IQSEC3: variants seen among roughly 807,000 people sequenced by gnomAD.
The protein encoded by IQSEC3 is IQ motif and Sec7 domain ArfGEF 3.
A neutral mutation model predicts 105.4 loss-of-function variants in IQSEC3; 50 were observed. That is an observed-to-expected ratio of 0.47 (90% CI 0.38 to 0.60). IQSEC3 has a LOEUF of 0.60. Ranked by LOEUF, IQSEC3 falls within the 20% of genes least tolerant of loss-of-function variation. The pLI is 0.00. For missense variants in IQSEC3, 1,415 were observed against 1,630.0 expected (o/e 0.87, Z 2.27); for synonymous variants, 708 against 746.0 (o/e 0.95, Z 0.83).
rs576629871 is a variant in IQSEC3 at position 89,813 on chromosome 12, T to G, written c.555-9333T>G. On this transcript the variant is annotated intron_variant, in intron 1 of 13. Transcript: ENST00000538872. ...TATTGCTGAATAGTATTACATTGAA[T>G]GGACATACCACAATTTATCCATTTG... 2.0e-5 allele frequency among the ~76,000 whole-genome samples: 3 copies of G among 152,362 alleles called. No individual in the cohort carries two copies. In the South Asian group the frequency reaches 6.2e-4, roughly 32 times the overall value.
rs1433303091 is a variant in IQSEC3, at chr12:152,392, A to G, written c.2154-4633A>G. 6.6e-6 allele frequency among the ~76,000 whole-genome samples: 1 copy of G among 152,176 alleles called. No homozygotes were observed. The highest frequency in any genetic ancestry group is 1.5e-5 in the Non-Finnish European group (1 of 68,036). On this transcript the variant is annotated intron_variant, in intron 5 of 13. Transcript: ENST00000538872. The surrounding 1 kb of genome is among the most constrained non-coding windows in gnomAD (Gnocchi z 4.8). Reference sequence around the variant, plus strand: ...CTGGGTAAGATCACAGCCCCTAGGAAGACATGCATTAGTGCCAGCCACTGA... The same window carrying G: ...CTGGGTAAGATCACAGCCCCTAGGAGGACATGCATTAGTGCCAGCCACTGA...
chr12:126,789 G>C lies in IQSEC3; in HGVS notation c.903+877G>C, dbSNP rs915126987. ...GGTCCCTTCTGCCCCAAAATGTGTA[G>C]GTTCTAGAGAACAATTCTTCAACCC... On this transcript the variant is annotated intron_variant, in intron 3 of 13. Coordinates refer to ENST00000538872, the MANE Select transcript of IQSEC3 (RefSeq NM_001170738.2). 3.3e-5 allele frequency among the ~76,000 whole-genome samples: 5 copies of C among 152,266 alleles called. No individual in the cohort carries two copies. In the East Asian group the frequency reaches 9.7e-4, roughly 29 times the overall value.
chr12:157,524 A>C lies in IQSEC3; in HGVS notation c.2277-4A>C, dbSNP rs1555094769. On this transcript the variant is annotated splice_polypyrimidine_tract_variant and splice_region_variant and intron_variant, in intron 6 of 13. Transcript: ENST00000538872. ...CGTCCGCTCTGCATCTGACCCCCCCACAGCCAGCGCTACTGCATGTGCAAC... is the reference window on the plus strand; with the variant it reads ...CGTCCGCTCTGCATCTGACCCCCCCCCAGCCAGCGCTACTGCATGTGCAAC... 2.5e-6 allele frequency: 4 copies of C among 1,609,542 alleles called. No individual in the cohort carries two copies. Among genetic ancestry groups the C allele is most frequent in the Non-Finnish European group, 3.4e-6 (4 of 1,177,442 alleles).
chr12:157,376 GA>G, intron 6 of IQSEC3, 151 bp from the exon 7 acceptor site: 3 of 1,122,764 alleles, frequency 2.7e-6, no homozygotes, highest in Admixed American at 3.0e-5. Context: ...GGGGTGTGGG[GA>G]AAAAGACCAG....
At chr12:141,339 C>T (rs901042042) in intron 5 of IQSEC3, 54 bp downstream of exon 5, 153 of 1,567,010 alleles carry the variant, frequency 9.8e-5, no homozygotes, top group Non-Finnish European at 1.2e-4. Context: ...CCCACCTGCC[C>T]GGGCTCTCTC....
chr12:140,743 G>A (rs541987423), intron 4 of IQSEC3: 133 of 195,254 alleles, frequency 6.8e-4, no homozygotes, highest in African/African-American at 2.7e-3. Context: ...GTGGTGTGGC[G>A]GAGGTCTCAC....
chr12:75,366 C>A (rs1441587715), intron 1 of IQSEC3, among the ~76,000 whole-genome samples: 1 of 152,104 alleles, frequency 6.6e-6, no homozygotes, highest in Non-Finnish European at 1.5e-5. Flanking sequence ...CCTTGTTTGG[C>A]TCTGGTAAGG....
At chr12:107,473 A>G (rs181202838) in intron 2 of IQSEC3, among the ~76,000 whole-genome samples, 231 of 132,266 alleles carry the variant, frequency 1.7e-3, no homozygotes, top group Middle Eastern at 0.015. Context: ...GCAGTGGCAC[A>G]ATCTCGGCTC....
At chr12:154,922 G>C (rs1396101047) in intron 5 of IQSEC3, among the ~76,000 whole-genome samples, 1 of 150,388 alleles carries the variant, frequency 6.6e-6, no homozygotes, top group Non-Finnish European at 1.5e-5. Context: ...TCGCTGCCCC[G>C]CCCCATCTCT....
intron 3 of IQSEC3, among the ~76,000 whole-genome samples, chr12:130,315 A>C (rs981661140): frequency 6.6e-6 from 1 of 152,208 alleles, no homozygotes; most frequent in Non-Finnish European, 1.5e-5. Flanking sequence ...GGTCTGCACA[A>C]CGTCCCCGTG....
Position 66,871 on chromosome 12 carries a change from G to A in IQSEC3, c.-12G>A. The A allele has an allele frequency of 7.1e-7, 1 of 1,412,898 alleles. No homozygotes were observed. The highest frequency in any genetic ancestry group is 9.2e-7 in the Non-Finnish European group (1 of 1,082,638). The allele number at this position is 1,412,898 out of a possible 1,614,324, so 87.5% of individuals were successfully genotyped here. On this transcript the variant is annotated 5_prime_UTR_variant, in exon 1 of 14. Transcript: ENST00000538872. ...CCCAGGCGCAGGCAGGGCGCAGGCGGCGGCGGGCGGCATGGAGAGCCTGCT... is the reference window on the plus strand; with the variant it reads ...CCCAGGCGCAGGCAGGGCGCAGGCGACGGCGGGCGGCATGGAGAGCCTGCT...
At chr12:163,669 G>C in intron 9 of IQSEC3, 50 bp downstream of exon 9, 1 of 1,043,432 alleles carries the variant, frequency 9.6e-7, no homozygotes, top group Non-Finnish European at 1.5e-6. Context: ...TGCCTCTGCC[G>C]CCCTGGTCAG....
chr12:109,681 C>T (rs1051286162), intron 2 of IQSEC3, among the ~76,000 whole-genome samples: 2 of 152,162 alleles, frequency 1.3e-5, no homozygotes, highest in African/African-American at 4.8e-5. Flanking sequence ...TTCCCAGCAC[C>T]TCCTTGTTGC....
rs377174575 is a variant in IQSEC3 at position 135,516 on chromosome 12, C to A, written c.904-2751C>A. On this transcript the variant is annotated intron_variant, in intron 3 of 13. Transcript: ENST00000538872. ...CAAGTCCCCTTCATGCTAGTGTACACATCCTATATAATCCCCTTCCCTTGA... is the reference window on the plus strand; with the variant it reads ...CAAGTCCCCTTCATGCTAGTGTACAAATCCTATATAATCCCCTTCCCTTGA... 3.3e-4 allele frequency among the ~76,000 whole-genome samples: 50 copies of A among 152,352 alleles called. No individual in the cohort carries two copies. In the East Asian group the frequency reaches 6.2e-3, roughly 19 times the overall value.
At chr12:103,641 G>A (rs189899850) in intron 2 of IQSEC3, among the ~76,000 whole-genome samples, 72 of 70,706 alleles carry the variant, frequency 1.0e-3, no homozygotes, top group Non-Finnish European at 1.4e-3. Context: ...GGGAGGCGGG[G>A]CTCAGGAGGG....
chr12:114,962 G>A (rs1164722782), intron 2 of IQSEC3, among the ~76,000 whole-genome samples: 1 of 152,218 alleles, frequency 6.6e-6, no homozygotes, highest in Non-Finnish European at 1.5e-5. Context: ...GAAGCCACAA[G>A]GCATGCGGGA....
chr12:145,018 C>T (rs1866202742), intron 5 of IQSEC3, among the ~76,000 whole-genome samples: 1 of 152,296 alleles, frequency 6.6e-6, no homozygotes, highest in Middle Eastern at 3.4e-3. Context: ...ATTTTTGTAG[C>T]GATGGGGGTC....
chr12:122,695 C>T (rs1183759957), intron 2 of IQSEC3, among the ~76,000 whole-genome samples: 5 of 152,116 alleles, frequency 3.3e-5, no homozygotes, highest in Non-Finnish European at 5.9e-5. Flanking sequence ...AGAGTTGTCC[C>T]GTGCAAGGGA....
In IQSEC3 at chr12:152,102, G is replaced by A. The variant is rs1227485704; in HGVS notation, c.2154-4923G>A. ...CCACTTACACCAGGTCCCGAGCACA[G>A]CCTTGCACACGGGGCCACTCAGTGC... On this transcript the variant is annotated intron_variant, in intron 5 of 13. Transcript: ENST00000538872. This position sits in a 1 kb window ranked among gnomAD's most constrained non-coding sequence, Gnocchi z 4.8. 2.0e-5 allele frequency among the ~76,000 whole-genome samples: 3 copies of A among 152,024 alleles called. No homozygotes were observed. In the East Asian group the frequency reaches 5.8e-4, roughly 29 times the overall value.
Sources: gnomAD v4.1 joint callset for allele counts (sites outside exome capture counted in the v4.1 genomes callset) on GRCh38, gnomAD v4.1.1 for gene constraint, Gnocchi (gnomAD v3.1) non-coding constraint, MANE v1.5 for transcripts, NCBI Gene and HGNC (gene_info 2026-07-23, HGNC 2026-07-21) for gene names.